The following IGFBP1 variants were observed in gnomAD, a reference collection of about 807,000 sequenced individuals.
IGFBP1 encodes insulin like growth factor binding protein 1.
A neutral mutation model predicts 23.1 loss-of-function variants in IGFBP1; 31 were observed. The observed-to-expected ratio is 1.34, with a 90% CI of 1.01 to 1.81. The LOEUF (loss-of-function observed/expected upper bound fraction) is 1.81. Ranked by LOEUF, IGFBP1 falls within the 40% of genes most tolerant of loss-of-function variation. The pLI, the probability that IGFBP1 is intolerant of heterozygous loss-of-function variation, is 0.00. For missense variants in IGFBP1, 333 were observed against 342.2 expected (o/e 0.97, Z 0.21); for synonymous variants, 148 against 145.5 (o/e 1.02, Z -0.13).
At position 45,893,172 on chromosome 7, in the gene IGFBP1, ATATATG is replaced by A. The variant is rs899363604; in HGVS notation, c.*93_*98del. ...TACTCTAGAACATGCACATTTATAT[ATATATG>A]TATATGTATATATATATAGTAACTA... On this transcript the variant is annotated 3_prime_UTR_variant, in exon 4 of 4. Transcript: ENST00000275525. 1.1e-5 allele frequency: 8 copies of A among 757,838 alleles called. No homozygotes were observed. Among genetic ancestry groups the A allele is most frequent in the South Asian group, 4.9e-5 (2 of 40,642 alleles). The allele number at this position is 757,838 out of a possible 1,614,324, so 46.9% of individuals were successfully genotyped here.
intron 2 of IGFBP1, among the ~76,000 whole-genome samples, chr7:45,891,168 C>G (rs924809471): frequency 1.3e-5 from 2 of 152,196 alleles, no homozygotes; most frequent in African/African-American, 4.8e-5. Context: ...GCATGTTATT[C>G]TGCAACCACT....
Position 45,891,816 on chromosome 7 carries a change from C to T in IGFBP1, c.520-116C>T, listed in dbSNP as rs45452199. ...CACATGACACCTAGTCCCAGGTCCCCGTGGCCAGATCGTAGGGCCACTCCT... is the reference window on the plus strand; with the variant it reads ...CACATGACACCTAGTCCCAGGTCCCTGTGGCCAGATCGTAGGGCCACTCCT... On this transcript the variant is annotated intron_variant, in intron 2 of 3. Transcript: ENST00000275525. 4,335 of 971,508 alleles carry T rather than the reference C, an allele frequency of 4.5e-3. 17 individuals are homozygous for T. The highest frequency in any genetic ancestry group is 6.5e-3 in the Middle Eastern group (24 of 3,710). The allele number at this position is 971,508 out of a possible 1,614,324, so 60.2% of individuals were successfully genotyped here. A position where few individuals can be genotyped will look rare whatever the true frequency, so the allele number is the denominator to read the frequency against.
At position 45,888,618 on chromosome 7, in the gene IGFBP1, G is replaced by A. The variant is rs774475002; in HGVS notation, c.-35G>A. ...CACCGCCCGCCGCCACCAGCCCAGA[G>A]AGCATCGGCCCCTGTCTGCTGCTCG... On this transcript the variant is annotated 5_prime_UTR_variant, in exon 1 of 4. Coordinates refer to ENST00000275525, the MANE Select transcript of IGFBP1 (RefSeq NM_000596.4). 1.9e-6 allele frequency: 3 copies of A among 1,555,968 alleles called. No homozygotes were observed. The highest frequency in any genetic ancestry group is 1.2e-5 in the South Asian group (1 of 86,658).
rs1199221099 is a variant in IGFBP1 at position 45,888,492 on chromosome 7, G to A, written c.-161G>A. 1 of 630,496 alleles carries A rather than the reference G, an allele frequency of 1.6e-6. No individual in the cohort carries two copies. Among genetic ancestry groups the A allele is most frequent in the Non-Finnish European group, 2.8e-6 (1 of 362,938 alleles). The allele number at this position is 630,496 out of a possible 1,614,324, so 39.1% of individuals were successfully genotyped here. A position where few individuals can be genotyped will look rare whatever the true frequency, so the allele number is the denominator to read the frequency against. ...TGCGCGCTGTGTCCAGCGAGCATCGGCCACCGCCATCCCATCCAGCGAGCA... is the reference window on the plus strand; with the variant it reads ...TGCGCGCTGTGTCCAGCGAGCATCGACCACCGCCATCCCATCCAGCGAGCA... On this transcript the variant is annotated 5_prime_UTR_variant, in exon 1 of 4. Transcript: ENST00000275525.
chr7:45,892,209 A>G (rs1431153668), intron 3 of IGFBP1, 149 bp downstream of exon 3: 1 of 793,126 alleles, frequency 1.3e-6, no homozygotes, highest in African/African-American at 1.7e-5. Flanking sequence ...CCCTCTGGGA[A>G]CCTGGAACAG....
rs762516900 is a variant in IGFBP1 at position 45,890,525 on chromosome 7, G to A, written c.350-23G>A. On this transcript the variant is annotated intron_variant, in intron 1 of 3. Transcript: ENST00000275525. ...GCAGATGCTTTGGGAGGGCTCATGG[G>A]GTCTGCAATGTTTCCTTTCCAGAGG... The A allele has an allele frequency of 5.0e-6, 8 of 1,593,248 alleles. No individual in the cohort carries two copies. The South Asian group carries it at 9.2e-5, about 18-fold the overall frequency.
Position 45,888,582 on chromosome 7 carries a change from A to C in IGFBP1, c.-71A>C. 1 of 1,354,602 alleles carries C rather than the reference A, an allele frequency of 7.4e-7. No individual in the cohort carries two copies. The highest frequency in any genetic ancestry group is 1.0e-6 in the Non-Finnish European group (1 of 981,902). 83.9% of individuals were successfully genotyped at this position (1,354,602 alleles called of 1,614,324 possible). ...GCCACCGCTCCACCATCACTTGCCC[A>C]GAGTTTGGGCCACCGCCCGCCGCCA... On this transcript the variant is annotated 5_prime_UTR_variant, in exon 1 of 4. Transcript: ENST00000275525.
In IGFBP1 at chr7:45,893,174, ATATG is replaced by A; in HGVS notation, c.*87_*90del. 1.2e-5 allele frequency: 8 copies of A among 644,840 alleles called. No individual in the cohort carries two copies. The highest frequency in any genetic ancestry group is 3.5e-5 in the South Asian group (1 of 28,406). 39.9% of individuals were successfully genotyped at this position (644,840 alleles called of 1,614,324 possible). Reference sequence around the variant, plus strand: ...CTCTAGAACATGCACATTTATATATATATGTATATGTATATATATATAGTAACTA... The same window carrying A: ...CTCTAGAACATGCACATTTATATATATATATGTATATATATATAGTAACTA... On this transcript the variant is annotated 3_prime_UTR_variant, in exon 4 of 4. Coordinates refer to ENST00000275525, the MANE Select transcript of IGFBP1 (RefSeq NM_000596.4).
chr7:45,890,490 C>A, intron 1 of IGFBP1, 58 bp from the exon 2 acceptor site: 2 of 1,522,160 alleles, frequency 1.3e-6, no homozygotes, highest in Non-Finnish European at 1.8e-6. Flanking sequence ...CTCCTGGGGG[C>A]CCGAAAGGGG....
Position 45,890,629 on chromosome 7 carries a change from C to T in IGFBP1, c.431C>T (p.Ser144Phe), listed in dbSNP as rs1308828636. The stretch of plus-strand genomic sequence containing the variant: ...GATAATTTCCATCTGATGGCCCCTT[C>T]TGAAGAGGATCATTCCATCCTTTGG... ...LLDNFHLMAP[S>F]EEDHSILWDA... Residue 144 changes from serine to phenylalanine, a missense_variant, in exon 2 of 4, where the codon TCT becomes TTT. By Grantham distance (155) the Ser-to-Phe change is radical. Transcript: ENST00000275525. 6.2e-7 allele frequency: 1 copy of T among 1,613,960 alleles called. No homozygotes were observed.
At position 45,893,175 on chromosome 7, in the gene IGFBP1, T is replaced by A; in HGVS notation, c.*84T>A. 2.7e-5 allele frequency: 17 copies of A among 627,508 alleles called. No homozygotes were observed. The highest frequency in any genetic ancestry group is 4.1e-5 in the Non-Finnish European group (17 of 414,692). The allele number at this position is 627,508 out of a possible 1,614,324, so 38.9% of individuals were successfully genotyped here. On this transcript the variant is annotated 3_prime_UTR_variant, in exon 4 of 4. Transcript: ENST00000275525. ...TCTAGAACATGCACATTTATATATA[T>A]ATGTATATGTATATATATATAGTAA...
chr7:45,892,909 T>C (rs1482712372), intron 3 of IGFBP1, 51 bp from the exon 4 acceptor site: 17 of 1,588,912 alleles, frequency 1.1e-5, no homozygotes, highest in Non-Finnish European at 1.5e-5. Context: ...GGCTCTACTT[T>C]CCCTGTCAGC....
In IGFBP1 at chr7:45,888,609, C is replaced by T. The variant is rs1445871042; in HGVS notation, c.-44C>T. 1.3e-6 allele frequency: 2 copies of T among 1,527,832 alleles called. No individual in the cohort carries two copies. Among genetic ancestry groups the T allele is most frequent in the South Asian group, 1.2e-5 (1 of 85,388 alleles). The allele number at this position is 1,527,832 out of a possible 1,614,324, so 94.6% of individuals were successfully genotyped here. On this transcript the variant is annotated 5_prime_UTR_variant, in exon 1 of 4. Coordinates refer to ENST00000275525, the MANE Select transcript of IGFBP1 (RefSeq NM_000596.4). ...AGTTTGGGCCACCGCCCGCCGCCAC[C>T]AGCCCAGAGAGCATCGGCCCCTGTC...
At chr7:45,891,025 G>A (rs1371271008) in intron 2 of IGFBP1, among the ~76,000 whole-genome samples, 2 of 152,156 alleles carry the variant, frequency 1.3e-5, no homozygotes, top group Non-Finnish European at 2.9e-5. Context: ...CTTAGTACAA[G>A]GGCCTAACTG....
intron 1 of IGFBP1, 88 bp from the exon 2 acceptor site, chr7:45,890,460 T>G: frequency 1.4e-6 from 2 of 1,408,048 alleles, no homozygotes; most frequent in Non-Finnish European, 1.9e-6. Flanking sequence ...CCCAGCCTGG[T>G]TTTGAGGGAA....
chr7:45,890,661 A>G lies in IGFBP1; in HGVS notation c.463A>G (p.Ile155Val). The change falls in exon 2 of 4, where the codon ATC (isoleucine) becomes GTC (valine). Residue 155 changes from isoleucine to valine, a missense_variant. By Grantham distance (29) the Ile-to-Val change is conservative. Coordinates refer to ENST00000275525, the MANE Select transcript of IGFBP1 (RefSeq NM_000596.4). Reference protein sequence around the residue: ...EEDHSILWDAISTYDGSKALH... With the variant: ...EEDHSILWDAVSTYDGSKALH... ...GGATCATTCCATCCTTTGGGACGCC[A>G]TCAGTACCTATGATGGCTCGAAGGC... is the stretch of plus-strand genomic sequence containing the variant. The G allele has an allele frequency of 6.2e-7, 1 of 1,613,792 alleles. No individual in the cohort carries two copies. Among genetic ancestry groups the G allele is most frequent in the South Asian group, 1.1e-5 (1 of 91,064 alleles).
rs1787030456 is a variant in IGFBP1, at chr7:45,888,938, G to A, written c.286G>A (p.Ala96Thr). The A allele has an allele frequency of 1.3e-6, 2 of 1,522,372 alleles. No homozygotes were observed. The highest frequency in any genetic ancestry group is 1.7e-6 in the Non-Finnish European group (2 of 1,142,998). 94.3% of individuals were successfully genotyped at this position (1,522,372 alleles called of 1,614,324 possible). The stretch of plus-strand genomic sequence containing the variant: ...GCCGGGGGAGCAGCAACCTCTGCAC[G>A]CCCTCACCCGCGGCCAAGGCGCCTG... ...ALPGEQQPLHALTRGQGACVQ... is the reference protein window; with the variant it reads ...ALPGEQQPLHTLTRGQGACVQ... The change falls in exon 1 of 4, where the codon GCC (alanine) becomes ACC (threonine). Residue 96 changes from alanine (A) to threonine (T), a missense_variant. By Grantham distance (58) the Ala-to-Thr change is moderately conservative. Coordinates refer to ENST00000275525, the MANE Select transcript of IGFBP1 (RefSeq NM_000596.4).
intron 1 of IGFBP1, 110 bp downstream of exon 1, chr7:45,889,111 T>G: frequency 1.3e-6 from 1 of 793,504 alleles, no homozygotes; most frequent in Middle Eastern, 3.7e-4. Flanking sequence ...GGCAGGGGCT[T>G]GTCCACAACT....
intron 1 of IGFBP1, 47 bp downstream of exon 1, chr7:45,889,048 C>T (rs9658192): frequency 5.1e-6 from 7 of 1,384,894 alleles, no homozygotes; most frequent in African/African-American, 3.0e-5. Context: ...CGCCCGCCCC[C>T]GCCCGGCACC....
Sources: gnomAD v4.1 joint callset for allele counts (sites outside exome capture counted in the v4.1 genomes callset) on GRCh38, gnomAD v4.1.1 for gene constraint, MANE v1.5 for transcripts, NCBI Gene and HGNC (gene_info 2026-07-23, HGNC 2026-07-21) for gene names.